Variants in SLC8A1 observed in about 807,000 individuals in gnomAD.
The protein encoded by SLC8A1 is solute carrier family 8 member A1.
Under a neutral mutation model 68.3 loss-of-function variants are expected in SLC8A1, and 18 were observed. The observed-to-expected ratio is 0.26, with a 90% CI of 0.18 to 0.39. The LOEUF is 0.39. SLC8A1 is among the 10% of genes least tolerant of loss of function. SLC8A1 has a pLI of 1.00. For synonymous variants in SLC8A1, 475 were observed against 415.5 expected (o/e 1.14, Z -1.74); for missense variants, 985 against 1,156.7 (o/e 0.85, Z 2.15).
intron 7 of SLC8A1, among the ~76,000 whole-genome samples, chr2:40,139,029 G>C (rs898016964): frequency 6.6e-6 from 1 of 152,150 alleles, no homozygotes; most frequent in Non-Finnish European, 1.5e-5. Context: ...AATGTACCAA[G>C]TATATAAAAG....
chr2:40,446,853 T>C (rs1335264225), intron 1 of SLC8A1, among the ~76,000 whole-genome samples: 2 of 152,226 alleles, frequency 1.3e-5, no homozygotes, highest in Non-Finnish European at 2.9e-5. Context: ...CCCTGGCACA[T>C]AAAAAGTGCT....
intron 2 of SLC8A1, among the ~76,000 whole-genome samples, chr2:40,205,528 A>G (rs1463259292): frequency 6.6e-6 from 1 of 151,948 alleles, no homozygotes; most frequent in African/African-American, 2.4e-5. Context: ...GCCATTATCC[A>G]TAGCGGACTA....
chr2:40,432,594 C>T (rs1698583108), intron 1 of SLC8A1, among the ~76,000 whole-genome samples: 1 of 151,538 alleles, frequency 6.6e-6, no homozygotes, highest in Admixed American at 6.6e-5. Context: ...TAATGGGAAT[C>T]ATGCTTGGCA....
intron 2 of SLC8A1, among the ~76,000 whole-genome samples, chr2:40,327,727 T>C (rs1186729516): frequency 6.6e-6 from 1 of 151,950 alleles, no homozygotes; most frequent in Non-Finnish European, 1.5e-5. Context: ...GACATAAAGA[T>C]GAGAATAATA....
chr2:40,123,927 C>T (rs1322199983), intron 7 of SLC8A1, among the ~76,000 whole-genome samples: 1 of 152,188 alleles, frequency 6.6e-6, no homozygotes, highest in Non-Finnish European at 1.5e-5. Context: ...TGTCCTCTGA[C>T]TCGCTTCTCC....
chr2:40,401,375 C>A (rs1688666008), intron 2 of SLC8A1, among the ~76,000 whole-genome samples: 1 of 152,044 alleles, frequency 6.6e-6, no homozygotes, highest in African/African-American at 2.4e-5. Context: ...AGAATGTTGC[C>A]CAAACCTTTC....
chr2:40,409,359 C>T (rs918248544), intron 2 of SLC8A1, among the ~76,000 whole-genome samples: 1 of 151,980 alleles, frequency 6.6e-6, no homozygotes, highest in African/African-American at 2.4e-5. Flanking sequence ...GGATTTCTGC[C>T]CTGCATTATG....
chr2:40,126,501 C>G (rs1287027908), intron 7 of SLC8A1, among the ~76,000 whole-genome samples: 1 of 152,004 alleles, frequency 6.6e-6, no homozygotes, highest in African/African-American at 2.4e-5. Flanking sequence ...GGTAGGGGAG[C>G]TCATATGAGA....
intron 2 of SLC8A1, among the ~76,000 whole-genome samples, chr2:40,354,144 T>G (rs1031930252): frequency 6.6e-6 from 1 of 152,212 alleles, no homozygotes; most frequent in Non-Finnish European, 1.5e-5. Flanking sequence ...CTATACCACT[T>G]TGCATTCTCC....
chr2:40,325,883 C>A (rs749460389), intron 2 of SLC8A1, among the ~76,000 whole-genome samples: 2 of 151,150 alleles, frequency 1.3e-5, no homozygotes, highest in Non-Finnish European at 2.9e-5. Context: ...GTTTCACTAT[C>A]CTTTATAGGT....
intron 1 of SLC8A1, among the ~76,000 whole-genome samples, chr2:40,501,519 T>A (rs751814228): frequency 1.9e-4 from 29 of 152,150 alleles, no homozygotes; most frequent in Non-Finnish European, 4.1e-4. Context: ...CCTGTATGCT[T>A]CTTTTGATGA....
intron 2 of SLC8A1, among the ~76,000 whole-genome samples, chr2:40,227,797 G>T (rs1286178339): frequency 2.0e-5 from 3 of 151,982 alleles, no homozygotes; most frequent in African/African-American, 7.2e-5. Flanking sequence ...CAGGACTAAG[G>T]CACTGAACAA....
chr2:40,512,133 G>A (rs898675664), intron 1 of SLC8A1, among the ~76,000 whole-genome samples: 1 of 152,164 alleles, frequency 6.6e-6, no homozygotes, highest in African/African-American at 2.4e-5. Flanking sequence ...GCAAATCTGT[G>A]TTGCCACTTT....
chr2:40,232,394 A>ATT (rs66713157), intron 2 of SLC8A1, among the ~76,000 whole-genome samples: 101 of 146,600 alleles, frequency 6.9e-4, no homozygotes, highest in African/African-American at 1.4e-3. Flanking sequence ...GGTGCAAGTT[A>ATT]TTTTTTTTTT....
In SLC8A1 at chr2:40,192,835, A is replaced by G. The variant is rs141345419; in HGVS notation, c.1809-14980T>C. ...TTCACAAAGTTAGACTTCCTGAGATAGAGATTCAAAGTTTGGTGAGACTGG... is the reference window on the plus strand; with the variant it reads ...TTCACAAAGTTAGACTTCCTGAGATGGAGATTCAAAGTTTGGTGAGACTGG... On this transcript the variant is annotated intron_variant, in intron 2 of 7. Transcript: ENST00000406785. 1.7e-3 allele frequency among the ~76,000 whole-genome samples: 253 copies of G among 152,250 alleles called. 4 individuals carry two copies. The highest frequency in any genetic ancestry group is 5.8e-3 in the African/African-American group (240 of 41,568).
At chr2:40,189,338 C>G (rs190179582) in intron 2 of SLC8A1, among the ~76,000 whole-genome samples, 3 of 152,062 alleles carry the variant, frequency 2.0e-5, no homozygotes, top group African/African-American at 2.4e-5. Context: ...TGTTTATTAT[C>G]GAGACGGAGT....
At chr2:40,497,211 A>G (rs1464008035) in intron 1 of SLC8A1, among the ~76,000 whole-genome samples, 1 of 152,046 alleles carries the variant, frequency 6.6e-6, no homozygotes, top group Non-Finnish European at 1.5e-5. Context: ...CATGTGAAAT[A>G]CAAAAGAAAA....
chr2:40,375,029 G>C (rs1028098206), intron 2 of SLC8A1, among the ~76,000 whole-genome samples: 1 of 151,958 alleles, frequency 6.6e-6, no homozygotes, highest in Non-Finnish European at 1.5e-5. Flanking sequence ...TCTACCTCTG[G>C]CTGCTTGATA....
At chr2:40,266,401 G>T (rs2065355409) in intron 2 of SLC8A1, among the ~76,000 whole-genome samples, 1 of 152,082 alleles carries the variant, frequency 6.6e-6, no homozygotes, top group South Asian at 2.1e-4. Flanking sequence ...GATAAGGACA[G>T]GTAAATTTCC....
Sources: gnomAD v4.1 joint callset for allele counts (sites outside exome capture counted in the v4.1 genomes callset) on GRCh38, gnomAD v4.1.1 for gene constraint, MANE v1.5 for transcripts, NCBI Gene and HGNC (gene_info 2026-07-23, HGNC 2026-07-21) for gene names.